The following DNER variants were observed in gnomAD, a reference collection of about 807,000 sequenced individuals.
DNER encodes the protein delta and Notch-like epidermal growth factor-related receptor.
Under a neutral mutation model 78.2 loss-of-function variants are expected in DNER, and 33 were observed. That is an observed-to-expected ratio of 0.42 (90% CI 0.32 to 0.56). The LOEUF is 0.56. Ranked by LOEUF, DNER falls within the 20% of genes least tolerant of loss-of-function variation. DNER has a pLI of 0.11. For missense variants in DNER, 918 were observed against 975.3 expected, an observed-to-expected ratio of 0.94 and a Z score of 0.78; for synonymous variants, 417 against 384.8, an observed-to-expected ratio of 1.08 and a Z score of -0.98.
At chr2:229,365,586 G>A (rs185415971) in intron 12 of DNER, among the ~76,000 whole-genome samples, 3 of 152,214 alleles carry the variant, frequency 2.0e-5, no homozygotes, top group Non-Finnish European at 4.4e-5. Flanking sequence ...ACAGGCACCC[G>A]CCACCATGCC....
chr2:229,648,248 A>G (rs1180853738), intron 1 of DNER, among the ~76,000 whole-genome samples: 2 of 152,212 alleles, frequency 1.3e-5, no homozygotes, highest in Non-Finnish European at 2.9e-5. Context: ...TACCAGGATC[A>G]TGTTTGCAAC....
rs550034003 is a variant in DNER at position 229,588,272 on chromosome 2, G to A, written c.680+122C>T. The A allele has an allele frequency of 2.6e-3, 2,096 of 816,530 alleles. 3 individuals carry two copies. The highest frequency in any genetic ancestry group is 3.6e-3 in the Non-Finnish European group (1,830 of 509,890). 50.6% of individuals were successfully genotyped at this position (816,530 alleles called of 1,614,324 possible). ...CAAATGGCAGGGGCCACATCTACCCGTGGAATCTGTTCACGATTCTCACTT... is the reference window on the plus strand; with the variant it reads ...CAAATGGCAGGGGCCACATCTACCCATGGAATCTGTTCACGATTCTCACTT... On this transcript the variant is annotated intron_variant, in intron 3 of 12. Coordinates refer to ENST00000341772, the MANE Select transcript of DNER (RefSeq NM_139072.4).
intron 1 of DNER, among the ~76,000 whole-genome samples, chr2:229,642,879 C>G (rs1698651862): frequency 6.6e-6 from 1 of 152,116 alleles, no homozygotes; most frequent in African/African-American, 2.4e-5. Context: ...TTTCATATTA[C>G]TTGAGGCCAT....
At chr2:229,578,737 G>T (rs1697344951) in intron 4 of DNER, among the ~76,000 whole-genome samples, 1 of 152,170 alleles carries the variant, frequency 6.6e-6, no homozygotes, top group Non-Finnish European at 1.5e-5. Flanking sequence ...CCCAGCTCCA[G>T]TTGCTTTTGA....
At chr2:229,657,012 G>GTGTGTGTGTGTGTGT in intron 1 of DNER, among the ~76,000 whole-genome samples, 2 of 146,356 alleles carry the variant, frequency 1.4e-5, no homozygotes, top group Admixed American at 6.8e-5. Flanking sequence ...GTGTGTGTGT[G>GTGTGTGTGTGTGTGT]GTGAGAACAT....
intron 6 of DNER, among the ~76,000 whole-genome samples, chr2:229,480,582 C>T (rs963803111): frequency 2.0e-5 from 3 of 152,034 alleles, no homozygotes; most frequent in African/African-American, 7.2e-5. Context: ...GCCCCAATAC[C>T]GTATGCAAGT....
intron 4 of DNER, among the ~76,000 whole-genome samples, chr2:229,560,434 G>A (rs1696934190): frequency 6.6e-6 from 1 of 152,158 alleles, no homozygotes; most frequent in African/African-American, 2.4e-5. Flanking sequence ...GCACCAGATA[G>A]GCATGAAAGG....
chr2:229,477,361 G>A (rs1247438230), intron 6 of DNER, 108 bp from the exon 7 acceptor site: 1 of 629,964 alleles, frequency 1.6e-6, no homozygotes, highest in South Asian at 2.3e-5. Flanking sequence ...GAAGGCAGTG[G>A]CAGCCTTCAG....
intron 1 of DNER, among the ~76,000 whole-genome samples, chr2:229,677,761 TA>T (rs1251874482): frequency 3.9e-5 from 6 of 152,234 alleles, no homozygotes; most frequent in Non-Finnish European, 8.8e-5. Flanking sequence ...TTAGAAGCAA[TA>T]CCATTATCAC....
intron 4 of DNER, among the ~76,000 whole-genome samples, chr2:229,567,498 G>A (rs1697133869): frequency 6.6e-6 from 1 of 152,170 alleles, no homozygotes; most frequent in Non-Finnish European, 1.5e-5. Flanking sequence ...GAGAAACAAG[G>A]AACCCAGAAA....
intron 4 of DNER, among the ~76,000 whole-genome samples, chr2:229,564,649 CCAT>C (rs1390771814): frequency 3.8e-5 from 5 of 130,378 alleles, no homozygotes; most frequent in Admixed American, 7.7e-5. Flanking sequence ...CCCATCACCA[CCAT>C]CATCATCACC....
rs565902464 is a variant in DNER, at chr2:229,643,142, G to A, written c.277-51254C>T. Among the ~76,000 whole-genome samples, 104 of 152,184 alleles carry A rather than the reference G, an allele frequency of 6.8e-4. 1 individual carries two copies. Among genetic ancestry groups the A allele is most frequent in the Non-Finnish European group, 1.4e-3 (92 of 68,002 alleles). The stretch of plus-strand genomic sequence containing the variant: ...TGAGGTGGGAGGATCCCTTGAGCCC[G>A]GGAAATGGAGGTTGCAGTGAACCAA... On this transcript the variant is annotated intron_variant, in intron 1 of 12. Transcript: ENST00000341772.
chr2:229,527,141 G>A (rs1029814409), intron 5 of DNER, among the ~76,000 whole-genome samples: 2 of 152,094 alleles, frequency 1.3e-5, no homozygotes, highest in African/African-American at 2.4e-5. Flanking sequence ...TGTCGTTCAC[G>A]TCATCGCGTG....
chr2:229,644,310 A>G (rs933870390), intron 1 of DNER, among the ~76,000 whole-genome samples: 1 of 149,520 alleles, frequency 6.7e-6, no homozygotes, highest in South Asian at 2.1e-4. Context: ...CCATCCATCA[A>G]GTATGATGAC....
At chr2:229,647,647 G>T (rs1245154022) in intron 1 of DNER, among the ~76,000 whole-genome samples, 3 of 152,134 alleles carry the variant, frequency 2.0e-5, no homozygotes, top group Non-Finnish European at 4.4e-5. Context: ...ACTTATATTA[G>T]CAATAAATTG....
At chr2:229,703,941 G>A (rs1486509213) in intron 1 of DNER, among the ~76,000 whole-genome samples, 2 of 151,522 alleles carry the variant, frequency 1.3e-5, no homozygotes, top group African/African-American at 4.8e-5. Flanking sequence ...AAAAAGAAAG[G>A]GAAAGGAGAA....
intron 5 of DNER, among the ~76,000 whole-genome samples, chr2:229,536,714 T>C (rs372511688): frequency 3.6e-4 from 55 of 152,320 alleles, no homozygotes; most frequent in African/African-American, 1.3e-3. Context: ...CATTATGGAT[T>C]AAAATCTAAG....
intron 1 of DNER, among the ~76,000 whole-genome samples, chr2:229,621,879 A>G (rs554316006): frequency 1.3e-5 from 2 of 152,112 alleles, no homozygotes; most frequent in Non-Finnish European, 2.9e-5. Flanking sequence ...AGGTCAGGAA[A>G]TCGAGACCAA....
chr2:229,514,040 A>C (rs1008510595), intron 5 of DNER, among the ~76,000 whole-genome samples: 1 of 152,236 alleles, frequency 6.6e-6, no homozygotes, highest in Admixed American at 6.5e-5. Context: ...AGGGTTATCC[A>C]TTCTTCTCTT....
Sources: allele counts gnomAD v4.1 joint callset (sites outside exome capture counted in the v4.1 genomes callset), GRCh38; gene constraint gnomAD v4.1.1; transcripts MANE v1.5; gene names NCBI Gene and HGNC (gene_info 2026-07-23, HGNC 2026-07-21).